NHERF4: variants seen among roughly 807,000 people sequenced by gnomAD.
NHERF4 encodes NHERF family PDZ scaffold protein 4, also known as Na(+)/H(+) exchange regulatory cofactor NHE-RF4.
At chr11:119,190,187 TAAATAA>T in the NHERF4 span, 23 of 1,088,302 alleles carry the variant, frequency 2.1e-5, no homozygotes, top group African/African-American at 9.7e-5. This position sits in a 1 kb window ranked among gnomAD's most constrained non-coding sequence, Gnocchi z 4.2. Flanking sequence ...AGAAGAAAAC[TAAATAA>T]AAATAAAAAT....
chr11:119,187,122 A>G, the NHERF4 span: 1 of 672,794 alleles, frequency 1.5e-6, no homozygotes, highest in Non-Finnish European at 2.4e-6. Context: ...CCTGGGCGAC[A>G]AGAGCAAAAC....
chr11:119,188,004 G>A, the NHERF4 span: 1,116 of 1,568,770 alleles, frequency 7.1e-4, 1 homozygote, highest in Non-Finnish European at 8.1e-4. Context: ...GAACAGTGTC[G>A]CCAGCTGGGA....
the NHERF4 span, chr11:119,187,744 G>A: frequency 6.8e-7 from 1 of 1,471,538 alleles, no homozygotes; most frequent in South Asian, 1.4e-5. Flanking sequence ...ATCCGGGCCT[G>A]GGCCCCACCT....
the NHERF4 span, chr11:119,189,131 C>T: frequency 6.2e-7 from 1 of 1,613,766 alleles, no homozygotes; most frequent in Non-Finnish European, 8.5e-7. This position sits in a 1 kb window ranked among gnomAD's most constrained non-coding sequence, Gnocchi z 5.8. Flanking sequence ...TGAGGCTGAG[C>T]CACCCCTCTG....
chr11:119,187,625 GC>G, the NHERF4 span: 5 of 1,571,332 alleles, frequency 3.2e-6, no homozygotes, highest in Non-Finnish European at 4.3e-6. Flanking sequence ...GGGCAGGGGT[GC>G]CCCCCGGGGC....
chr11:119,186,417 C>T, the NHERF4 span: 238 of 1,590,544 alleles, frequency 1.5e-4, no homozygotes, highest in Non-Finnish European at 1.8e-4. The surrounding 1 kb of genome is among the most constrained non-coding windows in gnomAD (Gnocchi z 4.4). Flanking sequence ...AGGCACACGG[C>T]GAACCTGTAC....
At chr11:119,187,964 A>T in the NHERF4 span, 1 of 1,573,264 alleles carries the variant, frequency 6.4e-7, no homozygotes, top group Non-Finnish European at 8.6e-7. Context: ...ACAGCAGGTG[A>T]CCTTGCTGGT....
chr11:119,187,347 A>G, the NHERF4 span: 1 of 1,613,606 alleles, frequency 6.2e-7, no homozygotes, highest in Non-Finnish European at 8.5e-7. Context: ...ACGTGGCCCG[A>G]GCTCAGCTGG....
chr11:119,189,436 G>T, the NHERF4 span: 8 of 1,613,584 alleles, frequency 5.0e-6, no homozygotes, highest in South Asian at 1.1e-5. The surrounding 1 kb of genome is among the most constrained non-coding windows in gnomAD (Gnocchi z 5.8). Flanking sequence ...CACCTGGAAT[G>T]ACCTTCTACC....
the NHERF4 span, chr11:119,189,899 T>A: frequency 2.5e-3 from 848 of 333,790 alleles, 2 homozygotes; most frequent in Non-Finnish European, 3.9e-3. The surrounding 1 kb of genome is among the most constrained non-coding windows in gnomAD (Gnocchi z 5.8). Context: ...TGCGGGAGGG[T>A]GGTGCTTGGT....
At chr11:119,186,279 G>A in the NHERF4 span, 1 of 1,609,992 alleles carries the variant, frequency 6.2e-7, no homozygotes, top group South Asian at 1.1e-5. This position sits in a 1 kb window ranked among gnomAD's most constrained non-coding sequence, Gnocchi z 4.4. Flanking sequence ...TAACAGCCTT[G>A]GTTGGGAGTA....
At chr11:119,188,988 T>C in the NHERF4 span, 20 of 1,613,844 alleles carry the variant, frequency 1.2e-5, no homozygotes, top group Middle Eastern at 3.3e-4. Flanking sequence ...CTGTTCTGCA[T>C]GCCCCCACAA....
At chr11:119,189,712 C>G in the NHERF4 span, 1 of 593,918 alleles carries the variant, frequency 1.7e-6, no homozygotes, top group African/African-American at 1.9e-5. The surrounding 1 kb of genome is among the most constrained non-coding windows in gnomAD (Gnocchi z 5.8). Context: ...GTCTGAGGCT[C>G]CAGAGGATGT....
At chr11:119,187,667 G>A in the NHERF4 span, 1 of 1,537,072 alleles carries the variant, frequency 6.5e-7, no homozygotes, top group Non-Finnish European at 8.7e-7. Context: ...GGGTCAGTGT[G>A]GAGAAGTTCA....
the NHERF4 span, chr11:119,188,660 CT>C: frequency 6.2e-7 from 1 of 1,614,152 alleles, no homozygotes. Context: ...CCCCACTCCT[CT>C]TCTTGGAGAA....
At chr11:119,189,207 T>C in the NHERF4 span, 1 of 1,602,842 alleles carries the variant, frequency 6.2e-7, no homozygotes, top group Non-Finnish European at 8.5e-7. This position sits in a 1 kb window ranked among gnomAD's most constrained non-coding sequence, Gnocchi z 5.8. Flanking sequence ...GCTGCAGAGG[T>C]GAGGAAGAAG....
At chr11:119,189,526 C>A in the NHERF4 span, 1 of 1,610,086 alleles carries the variant, frequency 6.2e-7, no homozygotes, top group Non-Finnish European at 8.5e-7. This position sits in a 1 kb window ranked among gnomAD's most constrained non-coding sequence, Gnocchi z 5.8. Context: ...TACTCAGGGG[C>A]TACCGTGTCT....
chr11:119,186,325 G>C, the NHERF4 span: 1 of 1,571,628 alleles, frequency 6.4e-7, no homozygotes, highest in Non-Finnish European at 8.7e-7. This position sits in a 1 kb window ranked among gnomAD's most constrained non-coding sequence, Gnocchi z 4.4. Context: ...TCCTGTCCCA[G>C]TCCCTCTGCC....
the NHERF4 span, chr11:119,187,921 C>T: frequency 2.0e-6 from 3 of 1,530,310 alleles, no homozygotes; most frequent in Non-Finnish European, 1.8e-6. Flanking sequence ...TATACTGATG[C>T]CCTGCTGGGT....
Sources: gnomAD v4.1 joint callset for allele counts on GRCh38, gnomAD v4.1.1 for gene constraint, Gnocchi (gnomAD v3.1) non-coding constraint, MANE v1.5 for transcripts, NCBI Gene and HGNC (gene_info 2026-07-23, HGNC 2026-07-21) for gene names.